Variants in ACACB observed in about 807,000 individuals in gnomAD.
ACACB encodes the protein acetyl-CoA carboxylase 2.
A neutral mutation model predicts 278.8 loss-of-function variants in ACACB; 209 were observed. The observed-to-expected ratio is 0.75, with a 90% CI of 0.67 to 0.84. ACACB has a LOEUF of 0.84. ACACB is among the 40% of genes least tolerant of loss of function. ACACB has a pLI of 0.00. For missense variants in ACACB, 2,850 were observed against 3,269.0 expected (o/e 0.87, Z 3.13); for synonymous variants, 1,174 against 1,285.6 (o/e 0.91, Z 1.86).
chr12:109,265,110 G>A lies in ACACB; in HGVS notation c.6943G>A (p.Asp2315Asn), dbSNP rs756781717. ...GGATTCAAGCCTGGCTCGTCCACAG[G>A]ACATCCTGGAGTGGAAGACCGCACG... ...GRMLEKGVIS[D>N]ILEWKTARTF... The change falls in exon 51 of 53, where the codon GAC becomes AAC. Residue 2315 changes from aspartate (D) to asparagine (N), a missense_variant and splice_region_variant. Asp to Asn is a conservative substitution (Grantham distance 23, BLOSUM62 1). This residue lies in a region of ACACB where 579 missense variants were observed against 684.6 expected (regional missense o/e 0.85). Transcript: ENST00000338432. The A allele has an allele frequency of 3.4e-5, 55 of 1,606,040 alleles. No homozygotes were observed. The highest frequency in any genetic ancestry group is 4.7e-5 in the Non-Finnish European group (55 of 1,175,894).
At chr12:109,240,860 G>T (rs924957713) in intron 35 of ACACB, among the ~76,000 whole-genome samples, 3 of 152,128 alleles carry the variant, frequency 2.0e-5, no homozygotes, top group African/African-American at 4.8e-5. Context: ...AGAAAAGCTC[G>T]CCTCTCTTGA....
intron 12 of ACACB, among the ~76,000 whole-genome samples, chr12:109,187,755 TG>T (rs1294192166): frequency 2.0e-5 from 3 of 152,092 alleles, no homozygotes; most frequent in Non-Finnish European, 4.4e-5. Context: ...CCACTGCGAC[TG>T]AACCAACTTC....
chr12:109,176,330 T>G, intron 9 of ACACB, 67 bp downstream of exon 9: 1 of 1,355,476 alleles, frequency 7.4e-7, no homozygotes, highest in Non-Finnish European at 1.1e-6. Flanking sequence ...GCCAGATTAT[T>G]TCTCTTAGCA....
chr12:109,153,748 C>T (rs906367450), intron 2 of ACACB, among the ~76,000 whole-genome samples: 2 of 152,168 alleles, frequency 1.3e-5, no homozygotes, highest in African/African-American at 4.8e-5. Flanking sequence ...CTTCAACCTC[C>T]GCCTCTCGGG....
At chr12:109,199,303 C>A in intron 17 of ACACB, 99 bp from the exon 18 acceptor site, 2 of 1,051,464 alleles carry the variant, frequency 1.9e-6, no homozygotes, top group Non-Finnish European at 1.3e-6. Flanking sequence ...AGGGTACACT[C>A]CCCCTTTAGG....
chr12:109,145,966 G>A (rs1484373728), intron 2 of ACACB, among the ~76,000 whole-genome samples: 6 of 152,112 alleles, frequency 3.9e-5, no homozygotes, highest in African/African-American at 7.2e-5. Flanking sequence ...CCAAGACCAC[G>A]CCACTGCACT....
chr12:109,261,481 C>T (rs1373210349), intron 48 of ACACB, among the ~76,000 whole-genome samples: 1 of 152,138 alleles, frequency 6.6e-6, no homozygotes, highest in Non-Finnish European at 1.5e-5. Context: ...TTCATGCTGG[C>T]CACCAGGAAG....
intron 22 of ACACB, 55 bp from the exon 23 acceptor site, chr12:109,216,563 T>A: frequency 6.5e-7 from 1 of 1,530,554 alleles, no homozygotes; most frequent in Non-Finnish European, 9.0e-7. Context: ...ATACTAAATA[T>A]TCAGGTACTC....
chr12:109,218,238 G>T (rs2046059693), intron 24 of ACACB, among the ~76,000 whole-genome samples: 1 of 152,160 alleles, frequency 6.6e-6, no homozygotes, highest in Non-Finnish European at 1.5e-5. Flanking sequence ...GTCTCGCTCT[G>T]TTGCCCAGGC....
At chr12:109,209,721 T>C (rs548440387) in intron 21 of ACACB, among the ~76,000 whole-genome samples, 1 of 151,260 alleles carries the variant, frequency 6.6e-6, no homozygotes, top group South Asian at 2.1e-4. Flanking sequence ...GCAGCTTTGA[T>C]TTTCTGCCCC....
At chr12:109,202,276 T>C (rs1451036280) in intron 19 of ACACB, among the ~76,000 whole-genome samples, 1 of 152,202 alleles carries the variant, frequency 6.6e-6, no homozygotes, top group Non-Finnish European at 1.5e-5. Flanking sequence ...TCCCTGTCAT[T>C]CATTTAATTA....
chr12:109,172,699 C>T (rs1426896329), intron 6 of ACACB, among the ~76,000 whole-genome samples: 7 of 152,150 alleles, frequency 4.6e-5, no homozygotes, highest in Non-Finnish European at 5.9e-5. Context: ...GAAAAGGGAA[C>T]GCTTATGCAC....
At chr12:109,239,019 C>G (rs112626754) in intron 34 of ACACB, among the ~76,000 whole-genome samples, 325 of 152,208 alleles carry the variant, frequency 2.1e-3, no homozygotes, top group African/African-American at 7.6e-3. Flanking sequence ...CGGGTTCAAG[C>G]GATTCTCCTG....
intron 7 of ACACB, among the ~76,000 whole-genome samples, chr12:109,175,625 C>T (rs2044258981): frequency 6.6e-6 from 1 of 152,082 alleles, no homozygotes; most frequent in African/African-American, 2.4e-5. Context: ...ACTATGTTGC[C>T]AGGGTTGGTC....
intron 1 of ACACB, among the ~76,000 whole-genome samples, chr12:109,138,570 T>TA (rs35532847): frequency 0.51 from 76,557 of 149,724 alleles, 21,400 homozygotes; most frequent in Middle Eastern, 0.7. Flanking sequence ...TAAGAGTCTT[T>TA]AAAAAAAAAA....
chr12:109,112,817 G>A (rs2042335661), upstream of ACACB, among the ~76,000 whole-genome samples: 1 of 152,000 alleles, frequency 6.6e-6, no homozygotes, highest in Admixed American at 6.6e-5. Flanking sequence ...TGCATAAAAG[G>A]CAGTCTTAGC....
chr12:109,197,326 A>T (rs1336204063), intron 17 of ACACB, among the ~76,000 whole-genome samples, 173 bp downstream of exon 17: 2 of 152,138 alleles, frequency 1.3e-5, no homozygotes, highest in African/African-American at 4.8e-5. Context: ...ATTCTGTGCA[A>T]CTGGCAGATA....
At chr12:109,245,482 A>G in intron 37 of ACACB, 144 bp from the exon 38 acceptor site, 1 of 830,592 alleles carries the variant, frequency 1.2e-6, no homozygotes, top group Non-Finnish European at 1.7e-6. Context: ...ATATTTAAAT[A>G]TGCTTTAAAT....
intron 16 of ACACB, among the ~76,000 whole-genome samples, chr12:109,196,452 G>C (rs758969081): frequency 8.5e-5 from 13 of 152,084 alleles, no homozygotes; most frequent in Non-Finnish European, 1.9e-4. Context: ...CTGTCCTTTC[G>C]CTATGTCCTT....
Sources: gnomAD v4.1 joint callset for allele counts (sites outside exome capture counted in the v4.1 genomes callset) on GRCh38, gnomAD v4.1.1 for gene constraint, gnomAD v4.1.1 regional missense constraint, MANE v1.5 for transcripts, NCBI Gene and HGNC (gene_info 2026-07-23, HGNC 2026-07-21) for gene names.